The following CNNM4 variants were observed in gnomAD, a reference collection of about 807,000 sequenced individuals.
CNNM4 encodes the protein metal transporter CNNM4.
A neutral mutation model predicts 53.7 loss-of-function variants in CNNM4; 32 were observed. That is an observed-to-expected ratio of 0.60 (90% CI 0.45 to 0.80). CNNM4 has a LOEUF of 0.80. Among genes scored for constraint, CNNM4 ranks in the 30% least tolerant of loss-of-function variants. The pLI, the probability that CNNM4 is intolerant of heterozygous loss-of-function variation, is 0.00. For synonymous variants in CNNM4, 410 were observed against 440.0 expected, an observed-to-expected ratio of 0.93 and a Z score of 0.85; for missense variants, 784 against 1,022.0, an observed-to-expected ratio of 0.77 and a Z score of 3.17.
intron 1 of CNNM4, among the ~76,000 whole-genome samples, chr2:96,782,336 T>C (rs62152773): frequency 0.087 from 13,122 of 150,982 alleles, 625 homozygotes; most frequent in Middle Eastern, 0.16. Context: ...CATTTGAGCC[T>C]GACAGGCAGA....
intron 1 of CNNM4, among the ~76,000 whole-genome samples, chr2:96,763,393 A>G (rs188481607): frequency 6.6e-5 from 10 of 152,320 alleles, no homozygotes; most frequent in East Asian, 1.9e-4. Flanking sequence ...AAACAAGCCA[A>G]TTATGGAGTG....
chr2:96,762,893 T>C (rs987347878), intron 1 of CNNM4, among the ~76,000 whole-genome samples: 1 of 152,210 alleles, frequency 6.6e-6, no homozygotes, highest in Middle Eastern at 3.4e-3. Flanking sequence ...AGTGTGCTTG[T>C]GGCCCAGCAG....
At chr2:96,796,696 G>A (rs2079107463) in intron 1 of CNNM4, among the ~76,000 whole-genome samples, 1 of 152,166 alleles carries the variant, frequency 6.6e-6, no homozygotes. Flanking sequence ...AGAAGTTGGC[G>A]GCTGCAGTGA....
chr2:96,775,529 G>A (rs2678381), intron 1 of CNNM4, among the ~76,000 whole-genome samples: 116,213 of 152,112 alleles, frequency 0.76, 45,766 homozygotes, highest in East Asian at 1. Flanking sequence ...CTTGCTGAAC[G>A]TATGAAGGCA....
At chr2:96,785,764 A>G (rs2079011259) in intron 1 of CNNM4, among the ~76,000 whole-genome samples, 1 of 151,960 alleles carries the variant, frequency 6.6e-6, no homozygotes, top group Non-Finnish European at 1.5e-5. Context: ...TGATTGTACC[A>G]CTGTTGTCCA....
chr2:96,786,860 A>G (rs2079020954), intron 1 of CNNM4, among the ~76,000 whole-genome samples: 1 of 151,966 alleles, frequency 6.6e-6, no homozygotes, highest in Non-Finnish European at 1.5e-5. Context: ...TTCTTCTACC[A>G]AGTCAGCAAC....
At chr2:96,799,435 G>A in intron 4 of CNNM4, 117 bp from the exon 5 acceptor site, 2 of 1,135,060 alleles carry the variant, frequency 1.8e-6, no homozygotes, top group Non-Finnish European at 2.6e-6. Flanking sequence ...GCTCTCCAGG[G>A]CTCCAGTACC....
At chr2:96,806,873 C>G (rs188983560) in intron 5 of CNNM4, among the ~76,000 whole-genome samples, 259 of 152,214 alleles carry the variant, frequency 1.7e-3, no homozygotes, top group African/African-American at 3.1e-3. Context: ...ATTCGAGATT[C>G]GAGATTGTTA....
At chr2:96,779,006 G>T (rs2078950007) in intron 1 of CNNM4, among the ~76,000 whole-genome samples, 1 of 151,904 alleles carries the variant, frequency 6.6e-6, no homozygotes, top group Non-Finnish European at 1.5e-5. Context: ...GCCCAGGCTG[G>T]AGTGCAGTGG....
Position 96,797,445 on chromosome 2 carries a change from G to C in CNNM4, c.1547-68G>C. ...GGGGCTGGAGAGCAGGAGCTGCGGG[G>C]CGGGTTCCAGTCTCTTCCTAAGTCC... On this transcript the variant is annotated intron_variant, in intron 2 of 6. Transcript: ENST00000377075. This position sits in a 1 kb window ranked among gnomAD's most constrained non-coding sequence, Gnocchi z 6.0. 6.3e-7 allele frequency: 1 copy of C among 1,598,622 alleles called. No individual in the cohort carries two copies. The highest frequency in any genetic ancestry group is 8.5e-7 in the Non-Finnish European group (1 of 1,174,084).
intron 1 of CNNM4, among the ~76,000 whole-genome samples, chr2:96,791,725 A>G (rs2079064067): frequency 6.6e-6 from 1 of 152,218 alleles, no homozygotes; most frequent in South Asian, 2.1e-4. Context: ...TGCTTGAGCC[A>G]TATAAAATTG....
At chr2:96,795,573 C>T (rs2079096418) in intron 1 of CNNM4, among the ~76,000 whole-genome samples, 1 of 152,100 alleles carries the variant, frequency 6.6e-6, no homozygotes, top group Non-Finnish European at 1.5e-5. Context: ...CCCTAAGAGG[C>T]CCTTAGAAGT....
chr2:96,806,982 C>T (rs1212965554), intron 5 of CNNM4, among the ~76,000 whole-genome samples: 2 of 152,120 alleles, frequency 1.3e-5, no homozygotes, highest in Admixed American at 6.5e-5. Flanking sequence ...CTGTGTTTCA[C>T]GCTGAGTAGG....
Position 96,809,644 on chromosome 2 carries a change from C to T in CNNM4, c.*127C>T. ...CCTGTCTGACTGAACAGCCAGATGG[C>T]CCCCAGCCTATGGGGGATCTGGCCT... is the stretch of plus-strand genomic sequence containing the variant. On this transcript the variant is annotated 3_prime_UTR_variant, in exon 7 of 7. Coordinates refer to ENST00000377075, the MANE Select transcript of CNNM4 (RefSeq NM_020184.4). 2 of 840,604 alleles carry T rather than the reference C, an allele frequency of 2.4e-6. No homozygotes were observed. 52.1% of individuals were successfully genotyped at this position (840,604 alleles called of 1,614,324 possible).
intron 1 of CNNM4, among the ~76,000 whole-genome samples, chr2:96,783,607 CTG>C (rs1310764232): frequency 1.3e-5 from 2 of 152,146 alleles, no homozygotes; most frequent in African/African-American, 4.8e-5. Flanking sequence ...ATTGTCCTGA[CTG>C]TGTCTTCTAG....
chr2:96,801,025 T>C lies in CNNM4; in HGVS notation c.1948+1377T>C, dbSNP rs1447962644. On this transcript the variant is annotated intron_variant, in intron 5 of 6. Transcript: ENST00000377075. The surrounding 1 kb of genome is among the most constrained non-coding windows in gnomAD (Gnocchi z 5.6). ...TCTGTCCTGTGCCTGTGGTTCCGTG[T>C]CCTGTCTCCTGACTGCGCCCATCAC... is the stretch of plus-strand genomic sequence containing the variant. 1.1e-6 allele frequency: 1 copy of C among 917,408 alleles called. No homozygotes were observed. Among genetic ancestry groups the C allele is most frequent in the African/African-American group, 1.8e-5 (1 of 55,778 alleles). 56.8% of individuals were successfully genotyped at this position (917,408 alleles called of 1,614,324 possible). A position where few individuals can be genotyped will look rare whatever the true frequency, so the allele number is the denominator to read the frequency against.
intron 1 of CNNM4, among the ~76,000 whole-genome samples, chr2:96,790,561 T>G (rs941516379): frequency 1.3e-5 from 2 of 148,660 alleles, no homozygotes; most frequent in African/African-American, 5.0e-5. Flanking sequence ...TCCATGTTGG[T>G]CAGGCTGGTC....
At chr2:96,772,864 C>G (rs2078891542) in intron 1 of CNNM4, among the ~76,000 whole-genome samples, 1 of 147,000 alleles carries the variant, frequency 6.8e-6, no homozygotes, top group African/African-American at 2.5e-5. Context: ...CACACCCACA[C>G]TCATACTCCC....
chr2:96,804,841 C>A (rs1216464835), intron 5 of CNNM4, among the ~76,000 whole-genome samples: 1 of 151,900 alleles, frequency 6.6e-6, no homozygotes, highest in African/African-American at 2.4e-5. Flanking sequence ...CTGCCCATGT[C>A]ACTAATTTGT....
Sources: gnomAD v4.1 joint callset for allele counts (sites outside exome capture counted in the v4.1 genomes callset) on GRCh38, gnomAD v4.1.1 for gene constraint, Gnocchi (gnomAD v3.1) non-coding constraint, MANE v1.5 for transcripts, NCBI Gene and HGNC (gene_info 2026-07-23, HGNC 2026-07-21) for gene names.